The following PTPRO variants were observed in gnomAD, a reference collection of about 807,000 sequenced individuals.
PTPRO encodes the protein protein tyrosine phosphatase receptor type O, also known as receptor-type tyrosine-protein phosphatase O.
In PTPRO, 62 loss-of-function variants were observed where a neutral mutation model predicts 145.2. That is an observed-to-expected ratio of 0.43 (90% CI 0.35 to 0.53). The LOEUF is 0.53. Among genes scored for constraint, PTPRO ranks in the 20% least tolerant of loss-of-function variants. PTPRO has a pLI of 0.01. For missense variants in PTPRO, 1,345 were observed against 1,482.7 expected, an observed-to-expected ratio of 0.91 and a Z score of 1.53; for synonymous variants, 565 against 514.7, an observed-to-expected ratio of 1.10 and a Z score of -1.32.
intron 1 of PTPRO, among the ~76,000 whole-genome samples, chr12:15,330,064 A>C (rs1024211003): frequency 3.3e-5 from 5 of 152,222 alleles, no homozygotes; most frequent in African/African-American, 1.2e-4. Flanking sequence ...AGAAAGAAGG[A>C]TCTCTGTATT....
chr12:15,482,261 C>T (rs1418260077), intron 1 of PTPRO, among the ~76,000 whole-genome samples: 3 of 151,804 alleles, frequency 2.0e-5, no homozygotes, highest in African/African-American at 7.3e-5. Context: ...ACCTGAAGGA[C>T]ATTATATCAA....
At chr12:15,353,778 T>C (rs1207555293) in intron 1 of PTPRO, among the ~76,000 whole-genome samples, 4 of 152,226 alleles carry the variant, frequency 2.6e-5, no homozygotes, top group Non-Finnish European at 5.9e-5. Flanking sequence ...TGCCTTTGAC[T>C]AGTCCACTTT....
chr12:15,476,182 G>A (rs1455049128), intron 1 of PTPRO, among the ~76,000 whole-genome samples: 2 of 152,104 alleles, frequency 1.3e-5, no homozygotes, highest in African/African-American at 4.8e-5. Flanking sequence ...CAGAATTTAA[G>A]AAGTATTTCA....
chr12:15,595,901 G>C (rs10772863), intron 26 of PTPRO, 189 bp from the exon 27 acceptor site: 142,022 of 152,756 alleles, frequency 0.93, 66,841 homozygotes, highest in East Asian at 1. Flanking sequence ...AAGACAGAGA[G>C]AAACAAATTT....
At chr12:15,504,202 T>G in intron 6 of PTPRO, 133 bp downstream of exon 6, 1 of 984,738 alleles carries the variant, frequency 1.0e-6, no homozygotes, top group East Asian at 2.6e-5. Context: ...CAGGAGAGGC[T>G]GAGATCCACA....
Position 15,501,711 on chromosome 12 carries a change from C to T in PTPRO, c.753C>T (p.Ser251=). The change falls in exon 5 of 27, where the codon TCC becomes TCT. Residue 251 remains serine (S), a synonymous_variant. Transcript: ENST00000281171. ...AGAGTGGCAATTTCCCAGAAGAATC[C>T]TTCATGAGATCACAAGATACAATAG... ...EEQSGNFPEE[S]FMRSQDTIGK... is the part of the protein sequence containing the mutation. 6.2e-7 allele frequency: 1 copy of T among 1,613,856 alleles called. No individual in the cohort carries two copies. Among genetic ancestry groups the T allele is most frequent in the Admixed American group, 1.7e-5 (1 of 60,012 alleles).
chr12:15,471,161 T>C (rs1355786767), intron 1 of PTPRO, among the ~76,000 whole-genome samples: 1 of 152,176 alleles, frequency 6.6e-6, no homozygotes, highest in Non-Finnish European at 1.5e-5. Context: ...GGCAGATTGC[T>C]TGAGCCCAGG....
intron 7 of PTPRO, among the ~76,000 whole-genome samples, chr12:15,509,065 A>G (rs1214708499): frequency 6.6e-6 from 1 of 152,254 alleles, no homozygotes; most frequent in Non-Finnish European, 1.5e-5. Context: ...ATTTTTAAAC[A>G]TCCTGCTCTT....
At chr12:15,375,919 C>T (rs1323042447) in intron 1 of PTPRO, among the ~76,000 whole-genome samples, 4 of 152,030 alleles carry the variant, frequency 2.6e-5, no homozygotes, top group African/African-American at 7.2e-5. Flanking sequence ...GGTTAGTGAA[C>T]TTTAAGACAG....
rs1463091541 is a variant in PTPRO at position 15,484,014 on chromosome 12, A to G, written c.116A>G (p.Asn39Ser). The G allele has an allele frequency of 6.2e-7, 1 of 1,613,688 alleles. No individual in the cohort carries two copies. The highest frequency in any genetic ancestry group is 1.7e-5 in the Admixed American group (1 of 60,010). ...CATGTAACTGTCCAAGATGATAATA[A>G]CATCGTTGTCTCATTAGAAGCTTCA... ...AFHVTVQDDNNIVVSLEASDV... is the reference protein window; with the variant it reads ...AFHVTVQDDNSIVVSLEASDV... Residue 39 changes from asparagine to serine, a missense_variant, in exon 2 of 27, where the codon AAC (asparagine) becomes AGC (serine). By Grantham distance (46) the Asn-to-Ser change is conservative (BLOSUM62 1). Transcript: ENST00000281171.
At chr12:15,591,638 A>C (rs867653700) in intron 25 of PTPRO, among the ~76,000 whole-genome samples, 2 of 152,094 alleles carry the variant, frequency 1.3e-5, no homozygotes, top group East Asian at 3.9e-4. Context: ...ATCTCCGCGG[A>C]CACAGCCTTT....
intron 15 of PTPRO, among the ~76,000 whole-genome samples, chr12:15,555,466 C>T (rs1302557405): frequency 6.6e-6 from 1 of 152,102 alleles, no homozygotes; most frequent in Non-Finnish European, 1.5e-5. Flanking sequence ...GCTAGGGGAA[C>T]AATGTGTATG....
In PTPRO at chr12:15,596,407, A is replaced by T. The variant is rs1428740835; in HGVS notation, c.*334A>T. 1 of 152,530 alleles carries T rather than the reference A, an allele frequency of 6.6e-6. No homozygotes were observed. The highest frequency in any genetic ancestry group is 1.5e-5 in the Non-Finnish European group (1 of 68,026). 9.4% of individuals were successfully genotyped at this position (152,530 alleles called of 1,614,324 possible). ...GGTTGGGCTGAGTTTTTTATTTTTA[A>T]GTGTTTGTTTTTCAGTGCAATAATT... On this transcript the variant is annotated 3_prime_UTR_variant, in exon 27 of 27. Transcript: ENST00000281171.
intron 1 of PTPRO, among the ~76,000 whole-genome samples, chr12:15,416,469 A>G (rs940017525): frequency 2.0e-5 from 3 of 150,850 alleles, no homozygotes; most frequent in Admixed American, 1.3e-4. Context: ...ACAGGCGCCC[A>G]CCACCATGCC....
At chr12:15,591,732 A>G (rs997499273) in intron 25 of PTPRO, among the ~76,000 whole-genome samples, 1 of 151,208 alleles carries the variant, frequency 6.6e-6, no homozygotes, top group Non-Finnish European at 1.5e-5. Context: ...GCGTGGTGGC[A>G]CACGCCTGTA....
At chr12:15,539,755 C>T (rs1344160434) in intron 12 of PTPRO, among the ~76,000 whole-genome samples, 1 of 76,116 alleles carries the variant, frequency 1.3e-5, no homozygotes, top group South Asian at 6.2e-4. Context: ...GACTGAGACT[C>T]TGTCTCAAAA....
intron 15 of PTPRO, among the ~76,000 whole-genome samples, chr12:15,552,280 A>G (rs1318562284): frequency 6.6e-6 from 1 of 152,174 alleles, no homozygotes; most frequent in Non-Finnish European, 1.5e-5. Context: ...GCACATTCTC[A>G]AGTAGTTTCT....
chr12:15,503,216 G>A (rs947578820), intron 5 of PTPRO, among the ~76,000 whole-genome samples: 1 of 151,922 alleles, frequency 6.6e-6, no homozygotes, highest in Non-Finnish European at 1.5e-5. Flanking sequence ...TCTCATGAAG[G>A]TTCTATTATG....
chr12:15,521,341 G>T (rs12322459), intron 10 of PTPRO, among the ~76,000 whole-genome samples: 65,150 of 151,956 alleles, frequency 0.43, 14,448 homozygotes, highest in African/African-American at 0.52. Context: ...TGTTCCAGAT[G>T]TTAATAGTAA....
Sources: gnomAD v4.1 joint callset for allele counts (sites outside exome capture counted in the v4.1 genomes callset) on GRCh38, gnomAD v4.1.1 for gene constraint, MANE v1.5 for transcripts, NCBI Gene and HGNC (gene_info 2026-07-23, HGNC 2026-07-21) for gene names.